Variants in SUGT1 observed in about 807,000 individuals in gnomAD.
The protein encoded by SUGT1 is SGT1 assembly cochaperone of MIS12 kinetochore complex, also known as protein SGT1 homolog.
SUGT1 carries 15 observed loss-of-function variants against 56.1 expected under a neutral mutation model. The observed-to-expected ratio is 0.27, with a 90% CI of 0.18 to 0.41. The LOEUF is 0.41. SUGT1 is among the 10% of genes least tolerant of loss of function. The pLI, the probability that SUGT1 is intolerant of heterozygous loss-of-function variation, is 1.00. For missense variants in SUGT1, 347 were observed against 382.2 expected (o/e 0.91, Z 0.77); for synonymous variants, 123 against 128.6 (o/e 0.96, Z 0.30).
At chr13:52,676,411 T>C (rs760154901) in intron 11 of SUGT1, 91 bp downstream of exon 11, 31 of 1,080,026 alleles carry the variant, frequency 2.9e-5, no homozygotes, top group Middle Eastern at 2.1e-4. Flanking sequence ...ACTTTCATTA[T>C]TTATGTTCTC....
At chr13:52,682,322 C>A (rs1261413545) in intron 12 of SUGT1, among the ~76,000 whole-genome samples, 2 of 152,112 alleles carry the variant, frequency 1.3e-5, no homozygotes, top group African/African-American at 2.4e-5. Flanking sequence ...CCTCAGCCTC[C>A]CAAGTAGATG....
At chr13:52,667,929 G>C (rs1962782459) in intron 10 of SUGT1, among the ~76,000 whole-genome samples, 1 of 151,578 alleles carries the variant, frequency 6.6e-6, no homozygotes, top group African/African-American at 2.4e-5. Flanking sequence ...TGATAAATGA[G>C]TTAATGGGAA....
chr13:52,666,776 A>G (rs373941073), intron 9 of SUGT1, 36 bp from the exon 10 acceptor site: 8 of 1,418,222 alleles, frequency 5.6e-6, no homozygotes, highest in Admixed American at 5.1e-5. Context: ...CATTATATAC[A>G]TTTACAAAAT....
chr13:52,678,639 G>T (rs1727694158), intron 11 of SUGT1, among the ~76,000 whole-genome samples: 1 of 150,224 alleles, frequency 6.7e-6, no homozygotes, highest in Non-Finnish European at 1.5e-5. Context: ...TGAAGAGTTA[G>T]TATGAAAAAA....
rs540787607 is a variant in SUGT1, at chr13:52,696,139, G to A, written c.*8304G>A. 5 of 152,392 alleles carry A rather than the reference G, an allele frequency of 3.3e-5. No individual in the cohort carries two copies. The highest frequency in any genetic ancestry group is 9.6e-5 in the African/African-American group (4 of 41,552). 9.4% of individuals were successfully genotyped at this position (152,392 alleles called of 1,614,324 possible). ...GTGTGACTGAGTTTCTTGAGGGCGC[G>A]GTCTAGCTTCCATCTTTGTATGTGT... On this transcript the variant is annotated 3_prime_UTR_variant, in exon 13 of 13. Transcript: ENST00000310528.
In SUGT1 at chr13:52,666,944, C is replaced by T. The variant is rs770118320; in HGVS notation, c.627+25C>T. The T allele has an allele frequency of 7.3e-6, 11 of 1,511,036 alleles. No individual in the cohort carries two copies. The South Asian group carries it at 1.3e-4, about 18-fold the overall frequency. The allele number at this position is 1,511,036 out of a possible 1,614,324, so 93.6% of individuals were successfully genotyped here. A position where few individuals can be genotyped will look rare whatever the true frequency, so the allele number is the denominator to read the frequency against. ...GGTAAGACCATTGAAAAGTTTGTTA[C>T]TAGTAATATTTTCAAAATTATAGAA... On this transcript the variant is annotated intron_variant, in intron 10 of 12. Coordinates refer to ENST00000310528, the MANE Select transcript of SUGT1 (RefSeq NM_006704.5).
chr13:52,666,997 T>A, intron 10 of SUGT1, 78 bp downstream of exon 10: 1 of 964,082 alleles, frequency 1.0e-6, no homozygotes, highest in Non-Finnish European at 1.6e-6. Context: ...ACCCATGTGT[T>A]TATAAGCTTG....
intron 12 of SUGT1, among the ~76,000 whole-genome samples, chr13:52,683,587 G>T (rs1011463667): frequency 6.6e-6 from 1 of 152,144 alleles, no homozygotes; most frequent in Non-Finnish European, 1.5e-5. Flanking sequence ...TGGCATCAGA[G>T]TAATACTTCA....
intron 10 of SUGT1, among the ~76,000 whole-genome samples, chr13:52,670,626 G>T (rs751081452): frequency 6.6e-6 from 1 of 152,132 alleles, no homozygotes; most frequent in Non-Finnish European, 1.5e-5. Flanking sequence ...GGTCAACTTG[G>T]TGAAAACCTG....
Position 52,674,053 on chromosome 13 carries a change from C to CTTTTTTTTTT in SUGT1, c.628-2165_628-2156dup, listed in dbSNP as rs765220996. On this transcript the variant is annotated intron_variant, in intron 10 of 12. Transcript: ENST00000310528. ...TGTAAATTACACCAAAGATAGTATA[C>CTTTTTTTTTT]TTTTTTTTTTTTTTTTTTTTTGACA... 4.6e-5 allele frequency among the ~76,000 whole-genome samples: 5 copies of CTTTTTTTTTT among 107,960 alleles called. 1 individual carries two copies. Among genetic ancestry groups the CTTTTTTTTTT allele is most frequent in the African/African-American group, 7.3e-5 (2 of 27,296 alleles). 70.8% of individuals were successfully genotyped at this position (107,960 alleles called of 152,430 possible). A position where few individuals can be genotyped will look rare whatever the true frequency, so the allele number is the denominator to read the frequency against.
At chr13:52,657,398 C>T (rs1962220451) in intron 2 of SUGT1, 134 bp from the exon 3 acceptor site, 1 of 790,494 alleles carries the variant, frequency 1.3e-6, no homozygotes, top group Non-Finnish European at 2.0e-6. Context: ...GGAAAAACTC[C>T]AATATTATAT....
Position 52,658,455 on chromosome 13 carries a change from A to G in SUGT1, c.244A>G (p.Met82Val), listed in dbSNP as rs1372022443. The change falls in exon 4 of 13, where the codon ATG becomes GTG. Residue 82 changes from methionine to valine, a missense_variant. Transcript: ENST00000310528. ...LELNPNNSTAMLRKGICEYHE... is the reference protein window; with the variant it reads ...LELNPNNSTAVLRKGICEYHE... ...ACTCAATCCAAATAATTCCACTGCT[A>G]TGCTGAGAAAAGGGTATGCAGTAGC... 5 of 1,612,990 alleles carry G rather than the reference A, an allele frequency of 3.1e-6. No homozygotes were observed. The South Asian group carries it at 3.3e-5, about 11-fold the overall frequency.
chr13:52,699,300 TGAG>T lies in SUGT1; in HGVS notation c.*11466_*11468del, dbSNP rs1964021422. Reference sequence around the variant, plus strand: ...TTGTTTCAATCAAAGTGAAACAAAATGAGAATAACTATTTGGGCAAAACACTTT... The same window carrying T: ...TTGTTTCAATCAAAGTGAAACAAAATAATAACTATTTGGGCAAAACACTTT... On this transcript the variant is annotated 3_prime_UTR_variant, in exon 13 of 13. Coordinates refer to ENST00000310528, the MANE Select transcript of SUGT1 (RefSeq NM_006704.5). The T allele has an allele frequency of 6.6e-6, 1 of 152,136 alleles. No homozygotes were observed. Among genetic ancestry groups the T allele is most frequent in the Non-Finnish European group, 1.5e-5 (1 of 68,020 alleles). The allele number at this position is 152,136 out of a possible 1,614,324, so 9.4% of individuals were successfully genotyped here.
At chr13:52,687,576 T>C (rs1487973482) in intron 12 of SUGT1, 158 bp from the exon 13 acceptor site, 1 of 383,778 alleles carries the variant, frequency 2.6e-6, no homozygotes, top group Non-Finnish European at 4.6e-6. Flanking sequence ...GCTATATATT[T>C]TATCTGTATA....
In SUGT1 at chr13:52,691,578, T is replaced by C. The variant is rs1353356290; in HGVS notation, c.*3743T>C. The C allele has an allele frequency of 2.0e-5, 3 of 152,192 alleles. No individual in the cohort carries two copies. The highest frequency in any genetic ancestry group is 2.1e-4 in the South Asian group (1 of 4,822). The allele number at this position is 152,192 out of a possible 1,614,324, so 9.4% of individuals were successfully genotyped here. A position where few individuals can be genotyped will look rare whatever the true frequency, so the allele number is the denominator to read the frequency against. ...ATTGGTGTGCATCTCTCTGAACTTG[T>C]AGCTTTACTGACATTTCCAAAAAAA... On this transcript the variant is annotated 3_prime_UTR_variant, in exon 13 of 13. Transcript: ENST00000310528.
At chr13:52,680,222 G>A in intron 12 of SUGT1, 67 bp downstream of exon 12, 2 of 1,470,162 alleles carry the variant, frequency 1.4e-6, no homozygotes, top group Non-Finnish European at 1.8e-6. Flanking sequence ...GAGAAAATTG[G>A]TAATGTGAGA....
chr13:52,680,301 T>A, intron 12 of SUGT1, 146 bp downstream of exon 12: 2 of 675,996 alleles, frequency 3.0e-6, no homozygotes, highest in Non-Finnish European at 4.6e-6. Context: ...CTTTTTGCTC[T>A]AAGAGTAATT....
chr13:52,659,445 A>T (rs999087063), intron 5 of SUGT1, among the ~76,000 whole-genome samples, 196 bp downstream of exon 5: 1 of 152,144 alleles, frequency 6.6e-6, no homozygotes, highest in Non-Finnish European at 1.5e-5. Context: ...CATTTAAATC[A>T]TAGATGAACT....
At chr13:52,658,048 C>A in intron 3 of SUGT1, 1 of 1,172,438 alleles carries the variant, frequency 8.5e-7, no homozygotes. Flanking sequence ...ATAACAAGAC[C>A]ACCTGTATTT....
Sources: gnomAD v4.1 joint callset for allele counts (sites outside exome capture counted in the v4.1 genomes callset) on GRCh38, gnomAD v4.1.1 for gene constraint, MANE v1.5 for transcripts, NCBI Gene and HGNC (gene_info 2026-07-23, HGNC 2026-07-21) for gene names.